Variants in RPRD1A observed in about 807,000 individuals in gnomAD.
The protein encoded by RPRD1A is regulation of nuclear pre-mRNA domain containing 1A.
A neutral mutation model predicts 37.8 loss-of-function variants in RPRD1A; 9 were observed. The ratio of observed to expected loss-of-function variants is 0.24; its 90% CI spans 0.14 to 0.42. RPRD1A has a LOEUF of 0.42. RPRD1A is among the 10% of genes least tolerant of loss of function. The probability of loss-of-function intolerance (pLI) is 1.00; values close to 1 mark genes in which losing one functional copy is unlikely to be tolerated. For synonymous variants in RPRD1A, 138 were observed against 139.7 expected, an observed-to-expected ratio of 0.99 and a Z score of 0.08; for missense variants, 255 against 371.0, an observed-to-expected ratio of 0.69 and a Z score of 2.57.
chr18:36,041,756 A>G (rs923137591), intron 1 of RPRD1A, among the ~76,000 whole-genome samples: 3 of 152,198 alleles, frequency 2.0e-5, no homozygotes, highest in Admixed American at 6.5e-5. Context: ...AAACTGCTTT[A>G]AGTTAGTCAA....
In RPRD1A at chr18:35,992,588, A is replaced by G. The variant is rs568441505; in HGVS notation, c.*563T>C. ...AGACTTTCATCTGCCCCTCAAAGTG[A>G]CATCCCTGTTTTATGTTAAATTACC... On this transcript the variant is annotated 3_prime_UTR_variant, in exon 7 of 7. Coordinates refer to ENST00000399022, the MANE Select transcript of RPRD1A (RefSeq NM_018170.5). 3.9e-5 allele frequency: 6 copies of G among 152,328 alleles called. No homozygotes were observed. The East Asian group carries it at 1.2e-3, about 29-fold the overall frequency. The allele number at this position is 152,328 out of a possible 1,614,324, so 9.4% of individuals were successfully genotyped here.
chr18:36,019,247 A>G (rs1228583049), intron 6 of RPRD1A, among the ~76,000 whole-genome samples: 6 of 151,800 alleles, frequency 4.0e-5, no homozygotes, highest in Non-Finnish European at 5.9e-5. Context: ...AGCCGGGACT[A>G]CAGGAGCCCA....
At chr18:36,045,458 G>C (rs1321899478) in intron 1 of RPRD1A, among the ~76,000 whole-genome samples, 1 of 152,144 alleles carries the variant, frequency 6.6e-6, no homozygotes, top group Non-Finnish European at 1.5e-5. Context: ...TGCTTACATA[G>C]TTTCTGTCTG....
chr18:36,031,467 A>G (rs1911785202), intron 2 of RPRD1A, among the ~76,000 whole-genome samples: 1 of 152,200 alleles, frequency 6.6e-6, no homozygotes, highest in Non-Finnish European at 1.5e-5. Flanking sequence ...TCCAGTTACT[A>G]TCTTTGACAT....
At chr18:36,003,748 C>T (rs974060882) in intron 6 of RPRD1A, among the ~76,000 whole-genome samples, 2 of 152,142 alleles carry the variant, frequency 1.3e-5, no homozygotes, top group Admixed American at 1.3e-4. Flanking sequence ...TTCTTCAATG[C>T]AATGATATCA....
intron 4 of RPRD1A, among the ~76,000 whole-genome samples, chr18:36,028,971 T>A (rs1425141673): frequency 6.6e-6 from 1 of 152,250 alleles, no homozygotes; most frequent in African/African-American, 2.4e-5. Context: ...TATCTAGAAC[T>A]TAGGTAAAAC....
intron 6 of RPRD1A, among the ~76,000 whole-genome samples, chr18:36,015,173 T>TATAC (rs1555671495): frequency 1.7e-4 from 22 of 130,952 alleles, no homozygotes; most frequent in South Asian, 1.2e-3. Flanking sequence ...TACACATATA[T>TATAC]ACACACACAC....
At chr18:36,033,686 A>G (rs1003641449) in intron 2 of RPRD1A, 22 bp downstream of exon 2, 3 of 1,594,978 alleles carry the variant, frequency 1.9e-6, no homozygotes, top group Non-Finnish European at 1.7e-6. Context: ...AGATTACCTA[A>G]TACCCAAAAC....
chr18:36,040,698 C>A, intron 1 of RPRD1A: 1 of 569,316 alleles, frequency 1.8e-6, no homozygotes, highest in Non-Finnish European at 2.9e-6. Context: ...TTTTGCCTTT[C>A]ATTTTTCTAT....
intron 1 of RPRD1A, 60 bp downstream of exon 1, chr18:36,067,194 C>T: frequency 6.7e-7 from 1 of 1,500,480 alleles, no homozygotes; most frequent in Non-Finnish European, 9.0e-7. Context: ...ACGGGGTTCC[C>T]GGGGGCGCCT....
intron 6 of RPRD1A, chr18:36,026,270 GA>G (rs543635089): frequency 3.5e-4 from 53 of 152,352 alleles, no homozygotes; most frequent in African/African-American, 1.3e-3. Context: ...TCAACTGAAA[GA>G]TTTTTTTTAC....
chr18:36,029,779 G>T (rs1465632040), intron 4 of RPRD1A, among the ~76,000 whole-genome samples: 1 of 151,770 alleles, frequency 6.6e-6, no homozygotes, highest in Non-Finnish European at 1.5e-5. Context: ...ACAAAGAAAT[G>T]TATGAACACA....
In RPRD1A at chr18:36,043,971, A is replaced by G. The variant is rs143151326; in HGVS notation, c.152-10134T>C. ...AGCAGAAACTTTACTGATAACATAA[A>G]TAACACATATTTTGTATGTTATATA... is the stretch of plus-strand genomic sequence containing the variant. On this transcript the variant is annotated intron_variant, in intron 1 of 6. Coordinates refer to ENST00000399022, the MANE Select transcript of RPRD1A (RefSeq NM_018170.5). Among the ~76,000 whole-genome samples, 42 of 152,360 alleles carry G rather than the reference A, an allele frequency of 2.8e-4. No individual in the cohort carries two copies. The East Asian group carries it at 8.1e-3, about 29-fold the overall frequency.
At chr18:36,006,598 G>A (rs1186345430) in intron 6 of RPRD1A, among the ~76,000 whole-genome samples, 2 of 152,212 alleles carry the variant, frequency 1.3e-5, no homozygotes, top group Admixed American at 6.5e-5. Context: ...AGAGGCCTAA[G>A]AATTCTGAGA....
chr18:36,062,792 G>C (rs563960983), intron 1 of RPRD1A, among the ~76,000 whole-genome samples: 1 of 152,274 alleles, frequency 6.6e-6, no homozygotes, highest in East Asian at 1.9e-4. Flanking sequence ...GGGAGAGATG[G>C]GGGACTGGGG....
chr18:36,062,879 T>C (rs1038312882), intron 1 of RPRD1A: 4 of 152,210 alleles, frequency 2.6e-5, no homozygotes, highest in African/African-American at 4.8e-5. Flanking sequence ...TACAATTCTA[T>C]AAACATATCA....
intron 6 of RPRD1A, among the ~76,000 whole-genome samples, chr18:36,016,846 T>C (rs531411592): frequency 2.0e-5 from 3 of 152,322 alleles, no homozygotes; most frequent in East Asian, 1.9e-4. Context: ...AAAATTTTTA[T>C]AGTAAATGTG....
chr18:36,047,206 T>G (rs1358982369), intron 1 of RPRD1A, among the ~76,000 whole-genome samples: 1 of 139,470 alleles, frequency 7.2e-6, no homozygotes, highest in Admixed American at 6.9e-5. Context: ...AGACCCTGTC[T>G]CGAAATAAAT....
At position 36,064,199 on chromosome 18, in the gene RPRD1A, G is replaced by C. The variant is rs551574846; in HGVS notation, c.151+3055C>G. The C allele has an allele frequency of 3.3e-5, 5 of 152,604 alleles. No individual in the cohort carries two copies. The East Asian group carries it at 9.6e-4, about 29-fold the overall frequency. 9.5% of individuals were successfully genotyped at this position (152,604 alleles called of 1,614,324 possible). On this transcript the variant is annotated intron_variant, in intron 1 of 6. Coordinates refer to ENST00000399022, the MANE Select transcript of RPRD1A (RefSeq NM_018170.5). ...CTGCACTGTGGGAGCCCCTCTCTGC[G>C]GCTGGCAGAGGCCGGAGCCGGCTCC... is the stretch of plus-strand genomic sequence containing the variant.
Sources: allele counts gnomAD v4.1 joint callset (sites outside exome capture counted in the v4.1 genomes callset), GRCh38; gene constraint gnomAD v4.1.1; transcripts MANE v1.5; gene names NCBI Gene and HGNC (gene_info 2026-07-23, HGNC 2026-07-21).